C12orf42: variants seen among roughly 807,000 people sequenced by gnomAD.
C12orf42 encodes the protein chromosome 12 open reading frame 42.
A neutral mutation model predicts 21.6 loss-of-function variants in C12orf42; 25 were observed. That is an observed-to-expected ratio of 1.16 (90% confidence interval 0.84 to 1.62). The LOEUF is 1.62. Among genes scored for constraint, C12orf42 ranks in the 40% most tolerant of loss-of-function variants. The pLI is 0.00. For missense variants in C12orf42, 483 were observed against 459.3 expected (o/e 1.05, Z -0.47); for synonymous variants, 174 against 175.0 (o/e 0.99, Z 0.05).
chr12:103,249,667 A>T (rs895807249), intron 10 of C12orf42, among the ~76,000 whole-genome samples: 1 of 152,136 alleles, frequency 6.6e-6, no homozygotes, highest in African/African-American at 2.4e-5. Context: ...GCCGCTGAAC[A>T]AACAGGGACT....
At position 103,444,816 on chromosome 12, in the gene C12orf42, TATC is replaced by T. The variant is rs1951478324; in HGVS notation, c.78+33530_78+33532del. 6.6e-5 allele frequency among the ~76,000 whole-genome samples: 10 copies of T among 152,196 alleles called. No homozygotes were observed. The South Asian group carries it at 1.9e-3, about 28-fold the overall frequency. ...CTTTAGTAATTAATCCTTTTATCAA[TATC>T]ATATTTCCCCTTTCTTCTTTTCTTT... On this transcript the variant is annotated intron_variant, in intron 2 of 5. Coordinates refer to ENST00000548883, the MANE Select transcript of C12orf42 (RefSeq NM_198521.5).
the C12orf42 span, among the ~76,000 whole-genome samples, chr12:103,140,855 C>T: frequency 1.9e-4 from 29 of 152,298 alleles, no homozygotes; most frequent in African/African-American, 7.0e-4. Context: ...CACACACACA[C>T]ACACCATACA....
At chr12:103,480,740 C>T (rs1355198687) in intron 1 of C12orf42, among the ~76,000 whole-genome samples, 5 of 151,482 alleles carry the variant, frequency 3.3e-5, no homozygotes, top group African/African-American at 9.7e-5. Flanking sequence ...AAATTGGTTA[C>T]ATTTTGATTC....
intron 4 of C12orf42, among the ~76,000 whole-genome samples, chr12:103,352,358 T>C (rs2137486531): frequency 6.6e-6 from 1 of 152,252 alleles, no homozygotes; most frequent in Middle Eastern, 3.4e-3. Context: ...AATAAGTAGC[T>C]TCACTCTATC....
At chr12:103,553,520 A>G in the C12orf42 span, among the ~76,000 whole-genome samples, 4 of 152,192 alleles carry the variant, frequency 2.6e-5, no homozygotes, top group Non-Finnish European at 5.9e-5. Context: ...ATGAAATCTC[A>G]ACCGTCTTCA....
chr12:103,184,807 G>C, the C12orf42 span, among the ~76,000 whole-genome samples: 1 of 137,168 alleles, frequency 7.3e-6, no homozygotes, highest in Non-Finnish European at 1.5e-5. Context: ...AGGTAACTAA[G>C]AAAAAATGAG....
chr12:103,507,495 C>G, the C12orf42 span, among the ~76,000 whole-genome samples: 1 of 142,020 alleles, frequency 7.0e-6, no homozygotes, highest in African/African-American at 2.6e-5. Flanking sequence ...CATAGTGATA[C>G]CCCATCTTCA....
chr12:103,357,256 C>G (rs1017980772), intron 4 of C12orf42, among the ~76,000 whole-genome samples: 3 of 151,478 alleles, frequency 2.0e-5, no homozygotes, highest in African/African-American at 7.3e-5. Context: ...TGTAACTAAA[C>G]TGCACATTGT....
At chr12:103,287,489 G>T (rs1214906329) in intron 4 of C12orf42, among the ~76,000 whole-genome samples, 1 of 151,898 alleles carries the variant, frequency 6.6e-6, no homozygotes, top group African/African-American at 2.4e-5. Flanking sequence ...CTCACTCATA[G>T]GTGGGAATTG....
Position 103,452,882 on chromosome 12 carries a change from G to C in C12orf42, c.78+25467C>G, listed in dbSNP as rs935509126. On this transcript the variant is annotated intron_variant, in intron 2 of 5. Transcript: ENST00000548883. ...CACACACTGGGGCCTGTCATGGGGT[G>C]GGGGGAGCGGGGAGGGATAGCATTA... Among the ~76,000 whole-genome samples the C allele has an allele frequency of 4.6e-5, 7 of 151,866 alleles. No homozygotes were observed. The East Asian group carries it at 7.7e-4, about 17-fold the overall frequency.
chr12:103,443,574 T>G (rs2137344754), intron 2 of C12orf42, among the ~76,000 whole-genome samples: 1 of 152,186 alleles, frequency 6.6e-6, no homozygotes, highest in Admixed American at 6.5e-5. Flanking sequence ...AAATATAAAT[T>G]TTTAGGTGAA....
intron 4 of C12orf42, among the ~76,000 whole-genome samples, chr12:103,358,522 T>C (rs2043787535): frequency 6.6e-6 from 1 of 151,940 alleles, no homozygotes; most frequent in South Asian, 2.1e-4. Flanking sequence ...TTCTACTCTA[T>C]ATGTTTCTTT....
the C12orf42 span, among the ~76,000 whole-genome samples, chr12:103,227,376 G>A: frequency 6.6e-6 from 1 of 151,962 alleles, no homozygotes; most frequent in Non-Finnish European, 1.5e-5. Context: ...GGAAATAAGG[G>A]ATTGGGGTGC....
chr12:103,446,853 A>T (rs886091048), intron 2 of C12orf42, among the ~76,000 whole-genome samples: 10 of 152,054 alleles, frequency 6.6e-5, no homozygotes, highest in Admixed American at 6.6e-4. Flanking sequence ...GAGTTCCTAA[A>T]TTTATAAAAC....
intron 5 of C12orf42, among the ~76,000 whole-genome samples, chr12:103,303,312 TATATA>T (rs1276715856): frequency 1.3e-5 from 2 of 151,800 alleles, no homozygotes; most frequent in African/African-American, 4.8e-5. Flanking sequence ...ACTTCCATAT[TATATA>T]ATATATTGCA....
At chr12:103,217,925 A>C in the C12orf42 span, among the ~76,000 whole-genome samples, 1 of 152,112 alleles carries the variant, frequency 6.6e-6, no homozygotes, top group Non-Finnish European at 1.5e-5. Flanking sequence ...AAATCCTGAC[A>C]CATTTCTTGT....
At chr12:103,392,873 T>C (rs1310752142) in intron 3 of C12orf42, among the ~76,000 whole-genome samples, 6 of 152,124 alleles carry the variant, frequency 3.9e-5, no homozygotes, top group Non-Finnish European at 1.5e-5. Flanking sequence ...AATGCAAATT[T>C]GAGTTCCTGC....
chr12:103,104,247 C>T, the C12orf42 span, among the ~76,000 whole-genome samples: 7 of 152,160 alleles, frequency 4.6e-5, no homozygotes, highest in East Asian at 1.9e-4. Context: ...AACGCATACA[C>T]GTATTGATGA....
At chr12:103,166,346 A>T in the C12orf42 span, among the ~76,000 whole-genome samples, 12 of 152,236 alleles carry the variant, frequency 7.9e-5, no homozygotes, top group African/African-American at 2.7e-4. Flanking sequence ...GCTTAAAAAA[A>T]GTTAGCTATT....
Sources: gnomAD v4.1 joint callset for allele counts (sites outside exome capture counted in the v4.1 genomes callset) on GRCh38, gnomAD v4.1.1 for gene constraint, MANE v1.5 for transcripts, NCBI Gene and HGNC (gene_info 2026-07-23, HGNC 2026-07-21) for gene names.